RFC5: variants seen among roughly 807,000 people sequenced by gnomAD.
The protein encoded by RFC5 is replication factor C subunit 5, also known as A1 36 kDa subunit.
In RFC5, 26 loss-of-function variants were observed where a neutral mutation model predicts 44.3. The ratio of observed to expected loss-of-function variants is 0.59; its 90% CI spans 0.43 to 0.81. The LOEUF is 0.81. Ranked by LOEUF, RFC5 falls within the 40% of genes least tolerant of loss-of-function variation. The pLI is 0.00. For synonymous variants in RFC5, 155 were observed against 155.2 expected, an observed-to-expected ratio of 1.00 and a Z score of 0.01; for missense variants, 328 against 418.6, an observed-to-expected ratio of 0.78 and a Z score of 1.89.
At chr12:118,025,255 A>C in intron 6 of RFC5, 1 of 432,644 alleles carries the variant, frequency 2.3e-6, no homozygotes, top group Non-Finnish European at 4.1e-6. Context: ...AGCTGTCCCA[A>C]TTTCCTCCTA....
At chr12:118,027,624 G>A (rs1374379803) in intron 8 of RFC5, among the ~76,000 whole-genome samples, 11 of 150,926 alleles carry the variant, frequency 7.3e-5, no homozygotes, top group African/African-American at 2.7e-4. Context: ...GTGAGCCGAG[G>A]TCATGCCACT....
intron 6 of RFC5, 87 bp downstream of exon 6, chr12:118,025,097 A>G (rs540825668): frequency 1.5e-5 from 20 of 1,361,046 alleles, no homozygotes; most frequent in South Asian, 5.4e-5. Flanking sequence ...GAGGAGAGGA[A>G]TGTTGGAAAA....
chr12:118,022,882 G>A (rs991882526), intron 5 of RFC5, among the ~76,000 whole-genome samples: 11 of 152,112 alleles, frequency 7.2e-5, no homozygotes, highest in African/African-American at 2.7e-4. Flanking sequence ...CCCATCTAAT[G>A]ACACAGGCTA....
In RFC5 at chr12:118,025,848, C is replaced by CTT. The variant is rs750369555; in HGVS notation, c.663+37_663+38dup. 0.013 allele frequency: 13,401 copies of CTT among 999,754 alleles called. 1 individual carries two copies. Among genetic ancestry groups the CTT allele is most frequent in the South Asian group, 0.022 (1,467 of 67,610 alleles). 61.9% of individuals were successfully genotyped at this position (999,754 alleles called of 1,614,324 possible). ...TTGCAGGTATGGTCTCAAGCAAATC[C>CTT]TTTTTTTTTTTTTTTTTTGAGACAG... is the stretch of plus-strand genomic sequence containing the variant. On this transcript the variant is annotated intron_variant, in intron 7 of 10. Transcript: ENST00000454402.
At chr12:118,028,584 A>C (rs1422685134) in intron 9 of RFC5, among the ~76,000 whole-genome samples, 1 of 150,610 alleles carries the variant, frequency 6.6e-6, no homozygotes, top group South Asian at 2.1e-4. Context: ...GGCTAACTTT[A>C]TTTCCTCTAG....
At chr12:118,018,273 A>G (rs2030239244) in intron 1 of RFC5, among the ~76,000 whole-genome samples, 1 of 152,244 alleles carries the variant, frequency 6.6e-6, no homozygotes, top group Non-Finnish European at 1.5e-5. Context: ...TTGCAATAGT[A>G]GGTGCCCATC....
intron 4 of RFC5, 55 bp downstream of exon 4, chr12:118,021,040 G>T (rs527363092): frequency 1.8e-6 from 2 of 1,140,786 alleles, no homozygotes; most frequent in East Asian, 4.7e-5. Flanking sequence ...AAGATGATAT[G>T]GGTTAATTTT....
intron 5 of RFC5, among the ~76,000 whole-genome samples, 169 bp downstream of exon 5, chr12:118,022,528 A>T (rs2030585075): frequency 6.6e-6 from 1 of 151,400 alleles, no homozygotes; most frequent in South Asian, 2.1e-4. Context: ...GCAGTGGCGC[A>T]ATCTTGGCTC....
At chr12:118,023,261 C>T (rs576495715) in intron 5 of RFC5, among the ~76,000 whole-genome samples, 17 of 151,610 alleles carry the variant, frequency 1.1e-4, no homozygotes, top group African/African-American at 3.6e-4. Flanking sequence ...GGGCCTAGCG[C>T]AGTTCTTTTC....
At position 118,016,850 on chromosome 12, in the gene RFC5, A is replaced by C; in HGVS notation, c.23A>C (p.Gln8Pro). 2.5e-6 allele frequency: 4 copies of C among 1,613,544 alleles called. No homozygotes were observed. The highest frequency in any genetic ancestry group is 2.2e-5 in the East Asian group (1 of 44,858). ...GCCATGGAGACCTCAGCACTCAAGC[A>C]GCAGGAGCAGCCCGCGGCGACCAAG... METSALK[Q>P]QEQPAATKIR... is the part of the protein sequence containing the mutation. Residue 8 changes from glutamine to proline, a missense_variant, in exon 1 of 11, where the codon CAG becomes CCG. Gln to Pro is a moderately conservative substitution (Grantham distance 76). Coordinates refer to ENST00000454402, the MANE Select transcript of RFC5 (RefSeq NM_007370.7).
chr12:118,030,813 T>C (rs1251658998), intron 10 of RFC5, among the ~76,000 whole-genome samples: 1 of 152,098 alleles, frequency 6.6e-6, no homozygotes, highest in Non-Finnish European at 1.5e-5. Context: ...TAATTTTTGT[T>C]TTTTGTTTGT....
In RFC5 at chr12:118,019,053, A is replaced by G. The variant is rs564321574; in HGVS notation, c.66-19A>G. 7 of 1,552,790 alleles carry G rather than the reference A, an allele frequency of 4.5e-6. No homozygotes were observed. The highest frequency in any genetic ancestry group is 1.1e-5 in the South Asian group (1 of 89,826). Reference sequence around the variant, plus strand: ...CTTGCATTTATATATGTCATAATACATACTAAATTGTATTTCAGGGTTGAA... The same window carrying G: ...CTTGCATTTATATATGTCATAATACGTACTAAATTGTATTTCAGGGTTGAA... On this transcript the variant is annotated intron_variant, in intron 1 of 10. Coordinates refer to ENST00000454402, the MANE Select transcript of RFC5 (RefSeq NM_007370.7). This position sits in a 1 kb window ranked among gnomAD's most constrained non-coding sequence, Gnocchi z 4.2.
chr12:118,016,925 AG>A (rs1199576369), intron 1 of RFC5, 33 bp downstream of exon 1: 7 of 1,589,014 alleles, frequency 4.4e-6, no homozygotes, highest in African/African-American at 1.3e-5. Flanking sequence ...CGGTGGGCAG[AG>A]GGGGCCAGGC....
In RFC5 at chr12:118,019,652, G is replaced by C; in HGVS notation, c.151G>C (p.Asp51His). 2 of 1,614,058 alleles carry C rather than the reference G, an allele frequency of 1.2e-6. No homozygotes were observed. Among genetic ancestry groups the C allele is most frequent in the East Asian group, 4.5e-5 (2 of 44,876 alleles). Reference sequence around the variant, plus strand: ...CTCAGTTCAGAAGTTTATCAATGAAGACCGACTGCCACACTTGCTTCTCTA... The same window carrying C: ...CTCAGTTCAGAAGTTTATCAATGAACACCGACTGCCACACTTGCTTCTCTA... ...LSTIQKFINE[D>H]RLPHLLLYGP... Residue 51 changes from aspartate (D) to histidine (H), a missense_variant, in exon 3 of 11, where the codon GAC becomes CAC. Physicochemically the swap from Asp to His is moderately conservative, Grantham distance 81. Transcript: ENST00000454402. This position sits in a 1 kb window ranked among gnomAD's most constrained non-coding sequence, Gnocchi z 4.2.
chr12:118,025,847 C>CT lies in RFC5; in HGVS notation c.663+19_663+20insT. The CT allele has an allele frequency of 2.2e-6, 3 of 1,338,526 alleles. No homozygotes were observed. The highest frequency in any genetic ancestry group is 1.9e-5 in the Admixed American group (1 of 52,622). The allele number at this position is 1,338,526 out of a possible 1,614,324, so 82.9% of individuals were successfully genotyped here. ...TTTGCAGGTATGGTCTCAAGCAAATCCTTTTTTTTTTTTTTTTTTGAGACA... is the reference window on the plus strand; with the variant it reads ...TTTGCAGGTATGGTCTCAAGCAAATCTCTTTTTTTTTTTTTTTTTTGAGACA... On this transcript the variant is annotated intron_variant, in intron 7 of 10. Coordinates refer to ENST00000454402, the MANE Select transcript of RFC5 (RefSeq NM_007370.7).
chr12:118,019,227 A>G lies in RFC5; in HGVS notation c.130+91A>G, dbSNP rs745490988. 4.6e-5 allele frequency: 43 copies of G among 925,686 alleles called. No individual in the cohort carries two copies. Among genetic ancestry groups the G allele is most frequent in the Non-Finnish European group, 7.3e-5 (41 of 564,004 alleles). 57.3% of individuals were successfully genotyped at this position (925,686 alleles called of 1,614,324 possible). A position where few individuals can be genotyped will look rare whatever the true frequency, so the allele number is the denominator to read the frequency against. On this transcript the variant is annotated intron_variant, in intron 2 of 10. Transcript: ENST00000454402. This position sits in a 1 kb window ranked among gnomAD's most constrained non-coding sequence, Gnocchi z 4.2. ...TTGTCTCTCCTAAGTAATAACTTCAAAGAATCTGATTGCGCTTTGTAGAAT... is the reference window on the plus strand; with the variant it reads ...TTGTCTCTCCTAAGTAATAACTTCAGAGAATCTGATTGCGCTTTGTAGAAT...
chr12:118,034,088 A>C (rs758988539), downstream of RFC5: 1 of 1,442,534 alleles, frequency 6.9e-7, no homozygotes, highest in Non-Finnish European at 9.6e-7. Context: ...CACAATCCCA[A>C]AGAAATGCTA....
downstream of RFC5, chr12:118,033,547 TAAAAA>T (rs35299550): frequency 9.9e-5 from 13 of 130,870 alleles, no homozygotes; most frequent in African/African-American, 1.1e-4. Context: ...ACACCATTGT[TAAAAA>T]AAAAAAAAAA....
downstream of RFC5, chr12:118,035,337 G>A (rs1593461455): frequency 6.2e-7 from 1 of 1,612,466 alleles, no homozygotes; most frequent in East Asian, 2.2e-5. Context: ...GGGAAGGAAA[G>A]AAACAGGATG....
Sources: allele counts gnomAD v4.1 joint callset (sites outside exome capture counted in the v4.1 genomes callset), GRCh38; gene constraint gnomAD v4.1.1; non-coding constraint Gnocchi (gnomAD v3.1); transcripts MANE v1.5; gene names NCBI Gene and HGNC (gene_info 2026-07-23, HGNC 2026-07-21).